Variants in FBLN1 observed in about 807,000 individuals in gnomAD.
FBLN1 encodes fibulin 1, also known as fibulin-1.
Under a neutral mutation model 89.7 loss-of-function variants are expected in FBLN1, and 34 were observed. That is an observed-to-expected ratio of 0.38 (90% CI 0.29 to 0.50). The LOEUF (loss-of-function observed/expected upper bound fraction) is 0.50, where lower values mean the gene tolerates loss of function less well. FBLN1 is among the 20% of genes least tolerant of loss of function. The pLI, the probability that FBLN1 is intolerant of heterozygous loss-of-function variation, is 0.92. For synonymous variants in FBLN1, 393 were observed against 391.3 expected (o/e 1.00, Z -0.05); for missense variants, 777 against 988.1 (o/e 0.79, Z 2.86).
At chr22:45,522,912 GA>G (rs1205725767) in intron 2 of FBLN1, among the ~76,000 whole-genome samples, 3 of 152,160 alleles carry the variant, frequency 2.0e-5, no homozygotes, top group African/African-American at 7.2e-5. Flanking sequence ...GGTGAGTGGG[GA>G]TCAATCGGTG....
intron 11 of FBLN1, 129 bp downstream of exon 11, chr22:45,543,655 G>C: frequency 7.9e-7 from 1 of 1,263,066 alleles, no homozygotes; most frequent in South Asian, 1.3e-5. Context: ...AGCAGGGGAA[G>C]TGCCTGTAAA....
rs375974965 is a variant in FBLN1 at position 45,577,041 on chromosome 22, C to T, written c.1905C>T (p.Asp635=). 20 of 1,614,092 alleles carry T rather than the reference C, an allele frequency of 1.2e-5. No homozygotes were observed. Among genetic ancestry groups the T allele is most frequent in the Non-Finnish European group, 1.7e-5 (20 of 1,180,046 alleles). Reference sequence around the variant, plus strand: ...CCAGCCAGGCTAACATCATCTTCGACATCACGGAAGGGAACCTGCGGGACT... The same window carrying T: ...CCAGCCAGGCTAACATCATCTTCGATATCACGGAAGGGAACCTGCGGGACT... ...HPASQANIIF[D]ITEGNLRDSF... Residue 635 remains aspartate (D), a synonymous_variant, in exon 16 of 17, where the codon GAC becomes GAT. Transcript: ENST00000327858. This position sits in a 1 kb window ranked among gnomAD's most constrained non-coding sequence, Gnocchi z 6.6.
chr22:45,571,574 G>A (rs1326891745), intron 14 of FBLN1, among the ~76,000 whole-genome samples: 1 of 152,222 alleles, frequency 6.6e-6, no homozygotes, highest in Non-Finnish European at 1.5e-5. Context: ...AGGCTACTGT[G>A]TAGGTAATGT....
Position 45,579,634 on chromosome 22 carries a change from GGCTCCTGGAGTTGACC to G in FBLN1, c.1972+2527_1972+2542del, listed in dbSNP as rs750936047. Reference sequence around the variant, plus strand: ...GTGTGCAGGATGCCCCACCTGGCTGGGCTCCTGGAGTTGACCTGGTGCCCATGTCATCTCAGGTGGA... The same window carrying G: ...GTGTGCAGGATGCCCCACCTGGCTGGTGGTGCCCATGTCATCTCAGGTGGA... On this transcript the variant is annotated intron_variant, in intron 16 of 16. Transcript: ENST00000327858. This position sits in a 1 kb window ranked among gnomAD's most constrained non-coding sequence, Gnocchi z 5.5. Among the ~76,000 whole-genome samples the G allele has an allele frequency of 1.3e-5, 2 of 152,326 alleles. No individual in the cohort carries two copies. The highest frequency in any genetic ancestry group is 3.4e-3 in the Middle Eastern group (1 of 294).
At chr22:45,512,943 T>C (rs2146942982) in intron 1 of FBLN1, among the ~76,000 whole-genome samples, 2 of 152,308 alleles carry the variant, frequency 1.3e-5, no homozygotes, top group African/African-American at 4.8e-5. Context: ...TGTTGTTCTT[T>C]TGTTGTTGTT....
chr22:45,551,702 T>C (rs1029156544), intron 14 of FBLN1, among the ~76,000 whole-genome samples: 3 of 152,232 alleles, frequency 2.0e-5, no homozygotes, highest in Admixed American at 2.0e-4. Flanking sequence ...GTCTGTAGCA[T>C]CCCGAAGAGC....
chr22:45,551,340 T>C (rs1463393941), intron 14 of FBLN1, among the ~76,000 whole-genome samples: 5 of 152,250 alleles, frequency 3.3e-5, no homozygotes. Context: ...CCCAGCACTC[T>C]GAGTGCACGA....
intron 16 of FBLN1, among the ~76,000 whole-genome samples, chr22:45,599,589 A>C (rs1334396583): frequency 6.6e-6 from 1 of 152,108 alleles, no homozygotes; most frequent in Non-Finnish European, 1.5e-5. Context: ...TCAGGTACCC[A>C]CTGCATGCCA....
At chr22:45,547,563 T>G (rs982011219) in intron 12 of FBLN1, among the ~76,000 whole-genome samples, 21 of 151,860 alleles carry the variant, frequency 1.4e-4, no homozygotes, top group African/African-American at 5.1e-4. Context: ...GCCTGGCTAA[T>G]TTTTTATTTT....
At chr22:45,553,073 C>T (rs1235667867) in intron 14 of FBLN1, among the ~76,000 whole-genome samples, 2 of 152,218 alleles carry the variant, frequency 1.3e-5, no homozygotes, top group Non-Finnish European at 2.9e-5. Flanking sequence ...CGTCGATGGC[C>T]CCCCTGCCTT....
chr22:45,562,796 C>A lies in FBLN1; in HGVS notation c.1698-11715C>A. The A allele has an allele frequency of 9.8e-7, 1 of 1,016,318 alleles. No individual in the cohort carries two copies. The highest frequency in any genetic ancestry group is 2.4e-5 in the East Asian group (1 of 42,298). 63.0% of individuals were successfully genotyped at this position (1,016,318 alleles called of 1,614,324 possible). A position where few individuals can be genotyped will look rare whatever the true frequency, so the allele number is the denominator to read the frequency against. On this transcript the variant is annotated intron_variant, in intron 14 of 16. Transcript: ENST00000327858. The surrounding 1 kb of genome is among the most constrained non-coding windows in gnomAD (Gnocchi z 7.8). ...TGCCCTTCGTGTTGGCTGAATCGGCCAGAGGGGCGGCGGGAGGCCCCGCCT... is the reference window on the plus strand; with the variant it reads ...TGCCCTTCGTGTTGGCTGAATCGGCAAGAGGGGCGGCGGGAGGCCCCGCCT...
At chr22:45,570,351 A>C (rs951340845) in intron 14 of FBLN1, among the ~76,000 whole-genome samples, 3 of 90,078 alleles carry the variant, frequency 3.3e-5, no homozygotes, top group Admixed American at 1.1e-4. Context: ...AAAAGAAAAG[A>C]AAAGAAAAAA....
intron 1 of FBLN1, chr22:45,517,504 C>T (rs2088185359): frequency 6.4e-6 from 3 of 468,302 alleles, no homozygotes; most frequent in Admixed American, 2.4e-5. Context: ...GTGCCCAGCT[C>T]ATTTGGGCCG....
chr22:45,574,882 C>T lies in FBLN1; in HGVS notation c.1840+229C>T, dbSNP rs982393728. ...CTGCAAGCTCCACCTCCCGGGTTCA[C>T]GCCATTCTCCTGCCTCAGCCTTCCG... On this transcript the variant is annotated intron_variant, in intron 15 of 16. Coordinates refer to ENST00000327858, the MANE Select transcript of FBLN1 (RefSeq NM_006486.3). The surrounding 1 kb of genome is among the most constrained non-coding windows in gnomAD (Gnocchi z 4.1). 6.6e-6 allele frequency among the ~76,000 whole-genome samples: 1 copy of T among 150,686 alleles called. No individual in the cohort carries two copies. The highest frequency in any genetic ancestry group is 6.6e-5 in the Admixed American group (1 of 15,122).
At chr22:45,518,591 A>G in intron 1 of FBLN1, 91 bp from the exon 2 acceptor site, 1 of 919,496 alleles carries the variant, frequency 1.1e-6, no homozygotes, top group Non-Finnish European at 1.7e-6. Flanking sequence ...GTCAAGACAG[A>G]AGGACGTGCG....
chr22:45,538,473 G>A (rs922451870), intron 8 of FBLN1, among the ~76,000 whole-genome samples: 3 of 152,186 alleles, frequency 2.0e-5, no homozygotes, highest in African/African-American at 7.2e-5. Flanking sequence ...TTATGAAAAT[G>A]GGATCAGACT....
intron 3 of FBLN1, 99 bp from the exon 4 acceptor site, chr22:45,527,748 T>A: frequency 8.0e-7 from 1 of 1,249,096 alleles, no homozygotes; most frequent in Non-Finnish European, 1.2e-6. Flanking sequence ...ACAGGTTGTG[T>A]GGACAGGGGG....
chr22:45,591,606 TC>T (rs1442741444), intron 16 of FBLN1, among the ~76,000 whole-genome samples: 1 of 152,096 alleles, frequency 6.6e-6, no homozygotes, highest in African/African-American at 2.4e-5. Context: ...CAGACACCTG[TC>T]CCCCTTGCTT....
chr22:45,585,738 G>T (rs2089079505), intron 16 of FBLN1, among the ~76,000 whole-genome samples: 1 of 152,138 alleles, frequency 6.6e-6, no homozygotes, highest in African/African-American at 2.4e-5. Flanking sequence ...GGAGGTGGAG[G>T]GCATGGGGAC....
Sources: gnomAD v4.1 joint callset for allele counts (sites outside exome capture counted in the v4.1 genomes callset) on GRCh38, gnomAD v4.1.1 for gene constraint, Gnocchi (gnomAD v3.1) non-coding constraint, MANE v1.5 for transcripts, NCBI Gene and HGNC (gene_info 2026-07-23, HGNC 2026-07-21) for gene names.